CSNK1E: variants seen among roughly 807,000 people sequenced by gnomAD.
The protein encoded by CSNK1E is casein kinase 1 epsilon, also known as casein kinase I isoform epsilon.
Under a neutral mutation model 46.1 loss-of-function variants are expected in CSNK1E, and 17 were observed. The observed-to-expected ratio is 0.37, with a 90% CI of 0.25 to 0.55. The LOEUF (loss-of-function observed/expected upper bound fraction) is 0.55, where lower values mean the gene tolerates loss of function less well. Ranked by LOEUF, CSNK1E falls within the 20% of genes least tolerant of loss-of-function variation. The pLI is 0.82. For missense variants in CSNK1E, 386 were observed against 595.4 expected, an observed-to-expected ratio of 0.65 and a Z score of 3.66; for synonymous variants, 241 against 242.6, an observed-to-expected ratio of 0.99 and a Z score of 0.06.
At chr22:38,311,235 A>C (rs567089608) in intron 2 of CSNK1E, among the ~76,000 whole-genome samples, 4 of 152,350 alleles carry the variant, frequency 2.6e-5, no homozygotes, top group African/African-American at 7.2e-5. Context: ...CAGATGGGGA[A>C]GCCAAGGATG....
chr22:38,306,994 G>A (rs1481730580), intron 2 of CSNK1E, among the ~76,000 whole-genome samples: 1 of 152,026 alleles, frequency 6.6e-6, no homozygotes, highest in Non-Finnish European at 1.5e-5. Context: ...AACATAGTGA[G>A]ACCCTATCTC....
At position 38,294,237 on chromosome 22, in the gene CSNK1E, GAGA is replaced by G. The variant is rs774022794; in HGVS notation, c.1087_1089del (p.Ser363del). ...CGGTCGACCCGCGAGATCGCTCTGG[GAGA>G]AGTATTGCCTGGAGGGAGAGTGGGA... On this transcript the variant is annotated inframe_deletion, in exon 9 of 11. Coordinates refer to ENST00000396832, the MANE Select transcript of CSNK1E (RefSeq NM_152221.3). This position sits in a 1 kb window ranked among gnomAD's most constrained non-coding sequence, Gnocchi z 5.5. 2.5e-6 allele frequency: 4 copies of G among 1,612,196 alleles called. No homozygotes were observed. Among genetic ancestry groups the G allele is most frequent in the South Asian group, 1.1e-5 (1 of 91,060 alleles).
At chr22:38,296,777 G>A (rs2092642964) in intron 7 of CSNK1E, 66 of 1,488,536 alleles carry the variant, frequency 4.4e-5, no homozygotes, top group Non-Finnish European at 5.9e-5. Context: ...GAACGTTCTG[G>A]ATGAAGGAAA....
chr22:38,293,189 T>C (rs1159292384), intron 10 of CSNK1E, 66 bp downstream of exon 10: 2 of 1,293,988 alleles, frequency 1.5e-6, no homozygotes, highest in African/African-American at 1.5e-5. Context: ...CATTGGTCTC[T>C]TTCTGGGGCC....
In CSNK1E at chr22:38,294,411, T is replaced by C. The variant is rs1305628958; in HGVS notation, c.1009A>G (p.Thr337Ala). ...GCGGCACTGCGGAGCCGGTTGGCAG[T>C]GGCCCCCGTGGGTGGGCCAGGGGGC... ...ALPPGPPTGATANRLRSAAEP... is the reference protein window; with the variant it reads ...ALPPGPPTGAAANRLRSAAEP... The change falls in exon 8 of 11, where the codon ACT (threonine) becomes GCT (alanine). Residue 337 changes from threonine (T) to alanine (A), a missense_variant. Around this residue, in one of 2 missense-constraint regions of CSNK1E, gnomAD observed 174 missense variants for 185.2 expected, o/e 0.94. Coordinates refer to ENST00000396832, the MANE Select transcript of CSNK1E (RefSeq NM_152221.3). This position sits in a 1 kb window ranked among gnomAD's most constrained non-coding sequence, Gnocchi z 5.5. The C allele has an allele frequency of 2.6e-6, 4 of 1,557,722 alleles. No homozygotes were observed. Among genetic ancestry groups the C allele is most frequent in the Non-Finnish European group, 3.5e-6 (4 of 1,153,832 alleles).
In CSNK1E at chr22:38,298,632, A is replaced by G. The variant is rs147921356; in HGVS notation, c.885+154T>C. On this transcript the variant is annotated intron_variant, in intron 7 of 10. Transcript: ENST00000396832. The surrounding 1 kb of genome is among the most constrained non-coding windows in gnomAD (Gnocchi z 4.2). Reference sequence around the variant, plus strand: ...AAGCTGTCAGCACGGATGAGGCTGGAGGGCTCTGGGACCCCAGTGAGGTCA... The same window carrying G: ...AAGCTGTCAGCACGGATGAGGCTGGGGGGCTCTGGGACCCCAGTGAGGTCA... 11 of 825,178 alleles carry G rather than the reference A, an allele frequency of 1.3e-5. No individual in the cohort carries two copies. The highest frequency in any genetic ancestry group is 1.7e-5 in the African/African-American group (1 of 58,974). The allele number at this position is 825,178 out of a possible 1,614,324, so 51.1% of individuals were successfully genotyped here.
In CSNK1E at chr22:38,309,352, C is replaced by T. The variant is rs540620162; in HGVS notation, c.76+4730G>A. Among the ~76,000 whole-genome samples the T allele has an allele frequency of 1.2e-4, 18 of 152,270 alleles. No homozygotes were observed. Among genetic ancestry groups the T allele is most frequent in the African/African-American group, 3.6e-4 (15 of 41,556 alleles). ...GCAGGGCCTGCAGCACTTGGTGATT[C>T]GGCAGATGTGTGCAGGGAGGAGAGG... On this transcript the variant is annotated intron_variant, in intron 2 of 10. Transcript: ENST00000396832. The surrounding 1 kb of genome is among the most constrained non-coding windows in gnomAD (Gnocchi z 4.8).
chr22:38,296,821 C>A lies in CSNK1E; in HGVS notation c.885+1965G>T. On this transcript the variant is annotated intron_variant, in intron 7 of 10. Transcript: ENST00000396832. ...TCTGCCTTGCCGGATGTGGTGGCCA[C>A]TGGAGGGCAGTGGCATGATCTCAGC... 4 of 1,109,936 alleles carry A rather than the reference C, an allele frequency of 3.6e-6. No individual in the cohort carries two copies. In the South Asian group the frequency reaches 4.5e-5, roughly 13 times the overall value. 68.8% of individuals were successfully genotyped at this position (1,109,936 alleles called of 1,614,324 possible).
intron 1 of CSNK1E, among the ~76,000 whole-genome samples, chr22:38,315,650 C>T (rs1036849142): frequency 1.6e-4 from 6 of 38,610 alleles, no homozygotes; most frequent in African/African-American, 2.5e-4. Flanking sequence ...GGGGTGTGCA[C>T]GCAACCCCCC....
intron 2 of CSNK1E, among the ~76,000 whole-genome samples, chr22:38,305,032 G>C (rs2092691555): frequency 7.1e-6 from 1 of 141,628 alleles, no homozygotes; most frequent in Non-Finnish European, 1.5e-5. Context: ...TGAGGCAGGA[G>C]AATCACTTGA....
chr22:38,298,561 G>A lies in CSNK1E; in HGVS notation c.885+225C>T, dbSNP rs1213896230. 5 of 552,710 alleles carry A rather than the reference G, an allele frequency of 9.0e-6. No homozygotes were observed. Among genetic ancestry groups the A allele is most frequent in the South Asian group, 6.0e-5 (3 of 50,362 alleles). The allele number at this position is 552,710 out of a possible 1,614,324, so 34.2% of individuals were successfully genotyped here. ...GGTGAAGCCAGATCCTCCTTGTTCCGACGGGAGACAGCGCCCTGCCTGGGC... is the reference window on the plus strand; with the variant it reads ...GGTGAAGCCAGATCCTCCTTGTTCCAACGGGAGACAGCGCCCTGCCTGGGC... On this transcript the variant is annotated intron_variant, in intron 7 of 10. Coordinates refer to ENST00000396832, the MANE Select transcript of CSNK1E (RefSeq NM_152221.3). The surrounding 1 kb of genome is among the most constrained non-coding windows in gnomAD (Gnocchi z 4.2).
rs950293345 is a variant in CSNK1E at position 38,296,806 on chromosome 22, C to T, written c.885+1980G>A. ...AAGGAAATGGTCCCATCTGCCTTGC[C>T]GGATGTGGTGGCCACTGGAGGGCAG... is the stretch of plus-strand genomic sequence containing the variant. On this transcript the variant is annotated intron_variant, in intron 7 of 10. Transcript: ENST00000396832. 5.4e-5 allele frequency: 71 copies of T among 1,312,124 alleles called. No homozygotes were observed. The Middle Eastern group carries it at 1.1e-3, about 19-fold the overall frequency. The allele number at this position is 1,312,124 out of a possible 1,614,324, so 81.3% of individuals were successfully genotyped here. A position where few individuals can be genotyped will look rare whatever the true frequency, so the allele number is the denominator to read the frequency against.
chr22:38,296,329 C>A, intron 7 of CSNK1E: 1 of 1,336,618 alleles, frequency 7.5e-7, no homozygotes, highest in South Asian at 2.0e-5. Flanking sequence ...GGCCAGCTGA[C>A]TGGACCTCGG....
chr22:38,296,547 G>A (rs763586703), intron 7 of CSNK1E: 1 of 1,611,656 alleles, frequency 6.2e-7, no homozygotes, highest in South Asian at 1.1e-5. Context: ...CACTACAGTG[G>A]CCGTGGCATT....
At chr22:38,296,537 C>G (rs760015336) in intron 7 of CSNK1E, 1 of 1,609,374 alleles carries the variant, frequency 6.2e-7, no homozygotes, top group South Asian at 1.1e-5. Flanking sequence ...TGGTTCAGCT[C>G]ACTACAGTGG....
At chr22:38,305,926 G>C (rs914685010) in intron 2 of CSNK1E, among the ~76,000 whole-genome samples, 1 of 152,120 alleles carries the variant, frequency 6.6e-6, no homozygotes, top group Non-Finnish European at 1.5e-5. Context: ...ATCCTAGCAC[G>C]GTGCAAAACA....
chr22:38,294,675 G>A lies in CSNK1E; in HGVS notation c.886-141C>T, dbSNP rs986211114. ...CTGCTCCAGCCTCCCTGACAAGCGCGGGAAGCCAAGACCCACAATCACACA... is the reference window on the plus strand; with the variant it reads ...CTGCTCCAGCCTCCCTGACAAGCGCAGGAAGCCAAGACCCACAATCACACA... On this transcript the variant is annotated intron_variant, in intron 7 of 10. Transcript: ENST00000396832. This position sits in a 1 kb window ranked among gnomAD's most constrained non-coding sequence, Gnocchi z 5.5. 174 of 762,708 alleles carry A rather than the reference G, an allele frequency of 2.3e-4. 1 individual carries two copies. The highest frequency in any genetic ancestry group is 2.3e-4 in the Non-Finnish European group (114 of 489,970). 47.2% of individuals were successfully genotyped at this position (762,708 alleles called of 1,614,324 possible). A position where few individuals can be genotyped will look rare whatever the true frequency, so the allele number is the denominator to read the frequency against.
chr22:38,297,561 A>T (rs1187845564), intron 7 of CSNK1E: 3 of 1,005,510 alleles, frequency 3.0e-6, no homozygotes, highest in Non-Finnish European at 3.6e-6. Context: ...ACCATCTAGC[A>T]GGGTGGCTGA....
At chr22:38,293,366 T>G (rs1334482854) in intron 9 of CSNK1E, 47 bp from the exon 10 acceptor site, 2 of 1,240,908 alleles carry the variant, frequency 1.6e-6, no homozygotes, top group Non-Finnish European at 2.3e-6. Flanking sequence ...GAGAGGGAGG[T>G]ACAAGCTTCA....
Sources: allele counts gnomAD v4.1 joint callset (sites outside exome capture counted in the v4.1 genomes callset), GRCh38; gene constraint gnomAD v4.1.1; regional missense constraint gnomAD v4.1.1; non-coding constraint Gnocchi (gnomAD v3.1); transcripts MANE v1.5; gene names NCBI Gene and HGNC (gene_info 2026-07-23, HGNC 2026-07-21).